The following TRIM33 variants were observed in gnomAD, a reference collection of about 807,000 sequenced individuals.
TRIM33 encodes the protein E3 ubiquitin-protein ligase TRIM33.
TRIM33 carries 20 observed loss-of-function variants against 125.4 expected under a neutral mutation model. The ratio of observed to expected loss-of-function variants is 0.16; its 90% CI spans 0.11 to 0.23. The LOEUF (loss-of-function observed/expected upper bound fraction) is 0.23, where lower values mean the gene tolerates loss of function less well. Among genes scored for constraint, TRIM33 ranks in the 10% least tolerant of loss-of-function variants. The pLI, the probability that TRIM33 is intolerant of heterozygous loss-of-function variation, is 1.00. For synonymous variants in TRIM33, 564 were observed against 513.9 expected (o/e 1.10, Z -1.32); for missense variants, 920 against 1,411.4 (o/e 0.65, Z 5.58).
chr1:114,441,978 C>T (rs1289433762), intron 4 of TRIM33, among the ~76,000 whole-genome samples: 2 of 152,040 alleles, frequency 1.3e-5, no homozygotes, highest in Admixed American at 1.3e-4. Context: ...TTCAGCAATA[C>T]CCAAATGAAT....
intron 4 of TRIM33, among the ~76,000 whole-genome samples, chr1:114,446,391 T>C (rs1049728682): frequency 6.6e-6 from 1 of 152,190 alleles, no homozygotes; most frequent in African/African-American, 2.4e-5. Flanking sequence ...TTTTTAAGTA[T>C]TGTATGTTAA....
At chr1:114,403,864 A>T (rs966633348) in intron 15 of TRIM33, among the ~76,000 whole-genome samples, 1 of 151,732 alleles carries the variant, frequency 6.6e-6, no homozygotes, top group Admixed American at 6.6e-5. Flanking sequence ...TTTTTTCACC[A>T]TGGTGGCCAG....
At chr1:114,411,533 A>C (rs1482914616) in intron 11 of TRIM33, among the ~76,000 whole-genome samples, 1 of 152,154 alleles carries the variant, frequency 6.6e-6, no homozygotes, top group East Asian at 1.9e-4. Context: ...GGGAGTACCT[A>C]ATATGGGCCA....
intron 1 of TRIM33, among the ~76,000 whole-genome samples, chr1:114,495,395 G>C (rs554184854): frequency 6.6e-6 from 1 of 151,978 alleles, no homozygotes; most frequent in East Asian, 1.9e-4. Context: ...GTTTAAAAAA[G>C]AAACAAGGAT....
chr1:114,474,495 G>A (rs1288954688), intron 1 of TRIM33, among the ~76,000 whole-genome samples: 1 of 148,946 alleles, frequency 6.7e-6, no homozygotes, highest in Admixed American at 6.7e-5. Context: ...GACTGCTTGA[G>A]CCCAGGAGTT....
intron 10 of TRIM33, among the ~76,000 whole-genome samples, chr1:114,424,037 A>AT (rs1647384144): frequency 1.3e-5 from 2 of 152,194 alleles, no homozygotes; most frequent in African/African-American, 4.8e-5. Flanking sequence ...CTGTATACTC[A>AT]TATCTCCCAT....
In TRIM33 at chr1:114,463,199, G is replaced by A. The variant is rs763625765; in HGVS notation, c.828C>T (p.Cys276=). The A allele has an allele frequency of 1.6e-5, 25 of 1,612,688 alleles. No individual in the cohort carries two copies. Among genetic ancestry groups the A allele is most frequent in the Admixed American group, 3.3e-5 (2 of 59,774 alleles). The change falls in exon 4 of 20, where the codon TGC becomes TGT. Residue 276 remains cysteine (C), a synonymous_variant. Transcript: ENST00000358465. ...TCAACTGTTCTTGTTTGTGTACAGG[G>A]CAGAAAACAGGGCGTTGACCAGATG... The part of the protein sequence containing the change: ...VGASGQRPVF[C]PVHKQEQLKL...
chr1:114,461,211 T>TAA (rs569418875), intron 4 of TRIM33, among the ~76,000 whole-genome samples: 11,024 of 96,030 alleles, frequency 0.11, 533 homozygotes, highest in African/African-American at 0.21. Context: ...AACCTGTCTT[T>TAA]AAAAATATAT....
chr1:114,459,746 A>G (rs536592298), intron 4 of TRIM33, among the ~76,000 whole-genome samples: 4 of 152,034 alleles, frequency 2.6e-5, no homozygotes, highest in African/African-American at 9.6e-5. Context: ...TCTTCAAAAA[A>G]TAAGAAAAAT....
At chr1:114,464,113 G>A (rs1025398458) in intron 2 of TRIM33, among the ~76,000 whole-genome samples, 157 bp downstream of exon 2, 4 of 152,098 alleles carry the variant, frequency 2.6e-5, no homozygotes, top group African/African-American at 4.8e-5. Context: ...ATTTAACTAA[G>A]TTTGAGAGTA....
chr1:114,486,400 TA>T (rs1381780789), intron 1 of TRIM33, among the ~76,000 whole-genome samples: 1 of 151,450 alleles, frequency 6.6e-6, no homozygotes, highest in Non-Finnish European at 1.5e-5. Context: ...GACGGGCAGA[TA>T]ACTTGAGGTC....
At chr1:114,434,647 T>G (rs1648166741) in intron 4 of TRIM33, among the ~76,000 whole-genome samples, 1 of 152,250 alleles carries the variant, frequency 6.6e-6, no homozygotes, top group Non-Finnish European at 1.5e-5. Context: ...TTTTAAGTTA[T>G]TAAGTCAACA....
At chr1:114,504,250 G>A (rs550044866) in intron 1 of TRIM33, among the ~76,000 whole-genome samples, 49 of 151,778 alleles carry the variant, frequency 3.2e-4, no homozygotes, top group African/African-American at 1.1e-3. Context: ...CTGCAGCCTC[G>A]ACACTCCGTG....
At chr1:114,416,008 A>G (rs1200799849) in intron 11 of TRIM33, among the ~76,000 whole-genome samples, 3 of 151,452 alleles carry the variant, frequency 2.0e-5, no homozygotes, top group African/African-American at 7.3e-5. Context: ...CTGTCTCCCT[A>G]TTATATAAGA....
rs1251310466 is a variant in TRIM33 at position 114,393,647 on chromosome 1, G to A, written c.*4001C>T. On this transcript the variant is annotated 3_prime_UTR_variant, in exon 20 of 20. Transcript: ENST00000358465. ...CTAAGATGAAAGAAATGCTATACAT[G>A]CATTTTGACCAAGTAAAAGAAACCA... The A allele has an allele frequency of 9.3e-6, 2 of 214,234 alleles. No individual in the cohort carries two copies. Among genetic ancestry groups the A allele is most frequent in the Non-Finnish European group, 9.5e-6 (1 of 105,814 alleles). 13.3% of individuals were successfully genotyped at this position (214,234 alleles called of 1,614,324 possible). A position where few individuals can be genotyped will look rare whatever the true frequency, so the allele number is the denominator to read the frequency against.
intron 1 of TRIM33, among the ~76,000 whole-genome samples, chr1:114,498,692 C>G (rs1161356782): frequency 2.6e-5 from 4 of 151,674 alleles, no homozygotes; most frequent in South Asian, 4.2e-4. Flanking sequence ...GAGACAAGGA[C>G]AAGAAGATCT....
chr1:114,413,211 A>G (rs1187486879), intron 11 of TRIM33, among the ~76,000 whole-genome samples: 1 of 152,320 alleles, frequency 6.6e-6, no homozygotes, highest in African/African-American at 2.4e-5. Context: ...CATCCAATGA[A>G]ATGGAATACC....
chr1:114,422,900 A>G (rs2101149486), intron 10 of TRIM33, among the ~76,000 whole-genome samples: 1 of 152,290 alleles, frequency 6.6e-6, no homozygotes, highest in Admixed American at 6.5e-5. Flanking sequence ...TCCCAAATAC[A>G]TAATTTTGTA....
At chr1:114,420,411 C>G (rs1171944333) in intron 11 of TRIM33, 1 of 1,335,700 alleles carries the variant, frequency 7.5e-7, no homozygotes, top group Non-Finnish European at 9.9e-7. Flanking sequence ...CTCTCTGGCT[C>G]CAAACTCATA....
Sources: gnomAD v4.1 joint callset for allele counts (sites outside exome capture counted in the v4.1 genomes callset) on GRCh38, gnomAD v4.1.1 for gene constraint, MANE v1.5 for transcripts, NCBI Gene and HGNC (gene_info 2026-07-23, HGNC 2026-07-21) for gene names.